SSR1: variants seen among roughly 807,000 people sequenced by gnomAD.
SSR1 encodes the protein translocon-associated protein subunit alpha.
Under a neutral mutation model 36.1 loss-of-function variants are expected in SSR1, and 13 were observed. That is an observed-to-expected ratio of 0.36 (90% CI 0.23 to 0.57). The LOEUF (loss-of-function observed/expected upper bound fraction) is 0.57. Among genes scored for constraint, SSR1 ranks in the 20% least tolerant of loss-of-function variants. SSR1 has a pLI of 0.81. For missense variants in SSR1, 291 were observed against 338.5 expected, an observed-to-expected ratio of 0.86 and a Z score of 1.10; for synonymous variants, 113 against 118.9, an observed-to-expected ratio of 0.95 and a Z score of 0.32.
intron 7 of SSR1, 82 bp downstream of exon 7, chr6:7,295,310 G>GTT: frequency 1.5e-5 from 17 of 1,159,806 alleles, no homozygotes; most frequent in East Asian, 5.6e-5. Flanking sequence ...TACTGAAAAA[G>GTT]TTTTTTTTTT....
intron 2 of SSR1, among the ~76,000 whole-genome samples, chr6:7,304,146 G>T (rs951715448): frequency 4.6e-5 from 7 of 152,194 alleles, no homozygotes; most frequent in African/African-American, 1.7e-4. Flanking sequence ...TCTAATTCAG[G>T]TCTAGGGCAA....
chr6:7,296,621 G>A (rs185477922), intron 6 of SSR1, among the ~76,000 whole-genome samples: 262 of 152,014 alleles, frequency 1.7e-3, no homozygotes, highest in Middle Eastern at 3.4e-3. Context: ...GAGAGAAATA[G>A]TATAGGTTTT....
chr6:7,299,269 C>A (rs902015433), intron 4 of SSR1, among the ~76,000 whole-genome samples: 2 of 152,238 alleles, frequency 1.3e-5, no homozygotes, highest in Admixed American at 6.5e-5. Context: ...ACAAAGCTCA[C>A]AGCATTCTTA....
intron 6 of SSR1, among the ~76,000 whole-genome samples, 165 bp from the exon 7 acceptor site, chr6:7,295,650 C>A (rs542473449): frequency 1.2e-4 from 19 of 152,302 alleles, no homozygotes; most frequent in African/African-American, 4.6e-4. Flanking sequence ...ACTATAGGCA[C>A]ATACTATCAT....
At chr6:7,308,853 G>T (rs1216374652) in intron 2 of SSR1, among the ~76,000 whole-genome samples, 1 of 152,096 alleles carries the variant, frequency 6.6e-6, no homozygotes, top group African/African-American at 2.4e-5. Flanking sequence ...CAAGCAAAAA[G>T]AATAAAAACA....
At chr6:7,311,504 C>CA (rs1318955753) in intron 1 of SSR1, among the ~76,000 whole-genome samples, 2 of 152,172 alleles carry the variant, frequency 1.3e-5, no homozygotes, top group Non-Finnish European at 2.9e-5. Context: ...CTGAACCATG[C>CA]ATTATGAACT....
intron 6 of SSR1, among the ~76,000 whole-genome samples, chr6:7,296,649 G>A (rs1221456020): frequency 7.2e-6 from 1 of 139,312 alleles, no homozygotes; most frequent in African/African-American, 2.8e-5. Flanking sequence ...TAGGCTGGAG[G>A]GAAGGAAAGG....
chr6:7,300,729 G>C (rs528464270), intron 4 of SSR1, among the ~76,000 whole-genome samples: 4 of 152,044 alleles, frequency 2.6e-5, no homozygotes, highest in African/African-American at 9.7e-5. Context: ...TGCAACCTCC[G>C]CCTCCCAGGT....
chr6:7,295,181 T>G, intron 7 of SSR1: 1 of 1,440,388 alleles, frequency 6.9e-7, no homozygotes, highest in South Asian at 1.3e-5. Flanking sequence ...AAGCTGCAGA[T>G]CTGGAAGAAT....
chr6:7,289,919 G>C lies in SSR1; in HGVS notation c.806C>G (p.Pro269Arg). The C allele has an allele frequency of 6.5e-7, 1 of 1,540,512 alleles. No homozygotes were observed. The highest frequency in any genetic ancestry group is 8.7e-7 in the Non-Finnish European group (1 of 1,154,936). Residue 269 changes from proline (P) to arginine (R), a missense_variant, in exon 8 of 8, where the codon CCA becomes CGA. Coordinates refer to ENST00000244763, the MANE Select transcript of SSR1 (RefSeq NM_003144.5). ...ETLNQINKAS[P>R]RRLPRKRAQK... Reference sequence around the variant, plus strand: ...TGCCCGTTTCCTGGGCAACCTTCTTGGTGAAGCTTTATCTGGAAGAAAAGA... The same window carrying C: ...TGCCCGTTTCCTGGGCAACCTTCTTCGTGAAGCTTTATCTGGAAGAAAAGA...
rs545377057 is a variant in SSR1 at position 7,293,284 on chromosome 6, C to T, written c.793+2108G>A. 8.7e-4 allele frequency among the ~76,000 whole-genome samples: 132 copies of T among 151,970 alleles called. 1 individual carries two copies. Among genetic ancestry groups the T allele is most frequent in the African/African-American group, 3.1e-3 (128 of 41,432 alleles). Reference sequence around the variant, plus strand: ...TTAGTGGTGACTTCTGAGACTCTGGCGCATCCATCACCCAAGCTGTGTATA... The same window carrying T: ...TTAGTGGTGACTTCTGAGACTCTGGTGCATCCATCACCCAAGCTGTGTATA... On this transcript the variant is annotated intron_variant, in intron 7 of 7. Transcript: ENST00000244763.
intron 2 of SSR1, among the ~76,000 whole-genome samples, chr6:7,306,922 T>TG (rs139862673): frequency 0.35 from 24,561 of 70,864 alleles, 4,579 homozygotes; most frequent in African/African-American, 0.59. Flanking sequence ...GTCTGGGTGG[T>TG]GGGGGGGTGG....
chr6:7,313,109 GA>G lies in SSR1; in HGVS notation c.11del (p.Leu4ProfsTer26). 1 of 1,606,818 alleles carries G rather than the reference GA, an allele frequency of 6.2e-7. No individual in the cohort carries two copies. Among genetic ancestry groups the G allele is most frequent in the South Asian group, 1.1e-5 (1 of 90,324 alleles). ...GTAAGAGAAGCAGCAGCAAGCGGGG[GA>G]GGAGTCTCATGGCGCTGCCGGTCCA... is the stretch of plus-strand genomic sequence containing the variant. MRL[L>X]PRLLLLLLLV... is the part of the protein sequence containing the mutation. On this transcript the variant is annotated frameshift_variant, in exon 1 of 8. Coordinates refer to ENST00000244763, the MANE Select transcript of SSR1 (RefSeq NM_003144.5). LOFTEE classifies it high-confidence loss of function.
At position 7,284,987 on chromosome 6, in the gene SSR1, C is replaced by G. The variant is rs1261551324; in HGVS notation, c.*4877G>C. ...CCTTTGTTCAACCTCACAGAATTGC[C>G]AATACTAGCGTATCACCAGGAATAC... On this transcript the variant is annotated 3_prime_UTR_variant, in exon 8 of 8. Coordinates refer to ENST00000244763, the MANE Select transcript of SSR1 (RefSeq NM_003144.5). The G allele has an allele frequency of 6.6e-6, 1 of 152,180 alleles. No homozygotes were observed. Among genetic ancestry groups the G allele is most frequent in the Non-Finnish European group, 1.5e-5 (1 of 68,040 alleles). The allele number at this position is 152,180 out of a possible 1,614,324, so 9.4% of individuals were successfully genotyped here.
intron 3 of SSR1, among the ~76,000 whole-genome samples, chr6:7,301,891 C>T (rs931761564): frequency 1.3e-5 from 2 of 151,846 alleles, no homozygotes; most frequent in African/African-American, 4.8e-5. Context: ...AGCAGGGTTA[C>T]GTGTGTTGGT....
chr6:7,309,717 T>C (rs564463793), intron 2 of SSR1, among the ~76,000 whole-genome samples, 200 bp downstream of exon 2: 2 of 152,318 alleles, frequency 1.3e-5, no homozygotes, highest in South Asian at 4.1e-4. Flanking sequence ...TGTCACCTTG[T>C]GAAGAAGGAC....
At chr6:7,297,864 T>A (rs1019494430) in intron 6 of SSR1, 59 bp downstream of exon 6, 1 of 1,363,128 alleles carries the variant, frequency 7.3e-7, no homozygotes, top group Non-Finnish European at 1.0e-6. Flanking sequence ...CTAGACTGCT[T>A]AACTTAGTAC....
At chr6:7,309,397 G>A (rs1758138317) in intron 2 of SSR1, among the ~76,000 whole-genome samples, 1 of 152,240 alleles carries the variant, frequency 6.6e-6, no homozygotes, top group African/African-American at 2.4e-5. Flanking sequence ...AGGAGTTCGA[G>A]GCTGCAGTGA....
chr6:7,312,690 G>A (rs1758231601), intron 1 of SSR1, among the ~76,000 whole-genome samples: 1 of 152,248 alleles, frequency 6.6e-6, no homozygotes, highest in African/African-American at 2.4e-5. Flanking sequence ...CGCGCTCGGA[G>A]CGCAGCCGTG....
Sources: allele counts gnomAD v4.1 joint callset (sites outside exome capture counted in the v4.1 genomes callset), GRCh38; gene constraint gnomAD v4.1.1; transcripts MANE v1.5; gene names NCBI Gene and HGNC (gene_info 2026-07-23, HGNC 2026-07-21).